The following ADAMTS3 variants were observed in gnomAD, a reference collection of about 807,000 sequenced individuals.
ADAMTS3 encodes the protein ADAM metallopeptidase with thrombospondin type 1 motif 3.
ADAMTS3 carries 73 observed loss-of-function variants against 129.0 expected under a neutral mutation model. That is an observed-to-expected ratio of 0.57 (90% CI 0.47 to 0.69). The LOEUF is 0.69. Among genes scored for constraint, ADAMTS3 ranks in the 30% least tolerant of loss-of-function variants. The pLI is 0.00. For missense variants in ADAMTS3, 1,457 were observed against 1,514.5 expected, an observed-to-expected ratio of 0.96 and a Z score of 0.63; for synonymous variants, 477 against 510.8, an observed-to-expected ratio of 0.93 and a Z score of 0.89.
At chr4:72,457,255 C>G (rs1035413290) in intron 3 of ADAMTS3, among the ~76,000 whole-genome samples, 3 of 151,568 alleles carry the variant, frequency 2.0e-5, no homozygotes, top group Non-Finnish European at 3.0e-5. Flanking sequence ...CAGGACATAA[C>G]AAAAATTAAA....
intron 5 of ADAMTS3, among the ~76,000 whole-genome samples, chr4:72,325,529 G>T (rs1214986028): frequency 3.3e-5 from 5 of 152,148 alleles, no homozygotes; most frequent in Non-Finnish European, 7.4e-5. Context: ...ACATGGCTTT[G>T]CACACCAAGT....
chr4:72,427,120 G>A (rs1019390302), intron 3 of ADAMTS3, among the ~76,000 whole-genome samples: 2 of 152,096 alleles, frequency 1.3e-5, no homozygotes, highest in Non-Finnish European at 2.9e-5. Flanking sequence ...CAAGGTGTTA[G>A]CAGGGACAAT....
At chr4:72,481,142 A>T (rs952910237) in intron 3 of ADAMTS3, among the ~76,000 whole-genome samples, 1 of 152,198 alleles carries the variant, frequency 6.6e-6, no homozygotes, top group Non-Finnish European at 1.5e-5. Flanking sequence ...ACTTGTGAAC[A>T]AGCTTGATGA....
At chr4:72,471,548 C>T (rs1719073706) in intron 3 of ADAMTS3, among the ~76,000 whole-genome samples, 2 of 151,904 alleles carry the variant, frequency 1.3e-5, no homozygotes, top group Admixed American at 1.3e-4. Context: ...TTTCCAACTG[C>T]ATATGTTTAT....
chr4:72,557,288 C>T (rs1312070391), intron 2 of ADAMTS3, among the ~76,000 whole-genome samples: 3 of 151,614 alleles, frequency 2.0e-5, no homozygotes, highest in Non-Finnish European at 4.4e-5. Flanking sequence ...GCAAGCAGGG[C>T]GAAGAATGGA....
At chr4:72,475,831 A>G (rs1274632700) in intron 3 of ADAMTS3, among the ~76,000 whole-genome samples, 1 of 152,100 alleles carries the variant, frequency 6.6e-6, no homozygotes, top group Non-Finnish European at 1.5e-5. Flanking sequence ...CAATCTAAAA[A>G]TAACAGGAAT....
chr4:72,283,167 C>T lies in ADAMTS3; in HGVS notation c.3587G>A (p.Arg1196His), dbSNP rs201592611. Residue 1196 changes from arginine (R) to histidine (H), a missense_variant, in exon 22 of 22, where the codon CGT becomes CAT. Transcript: ENST00000286657. ...KKDGKIIDNR[R>H]PTRSSTLER ...TTCTAAGGTGGATGATCTTGTCGGA[C>T]GTCTGTTGTCAATGATCTTTCCATC... 35 of 1,611,894 alleles carry T rather than the reference C, an allele frequency of 2.2e-5. No homozygotes were observed. Among genetic ancestry groups the T allele is most frequent in the Admixed American group, 8.4e-5 (5 of 59,802 alleles).
chr4:72,397,434 G>A (rs903896378), intron 4 of ADAMTS3, among the ~76,000 whole-genome samples: 6 of 151,762 alleles, frequency 4.0e-5, no homozygotes, highest in African/African-American at 1.2e-4. Flanking sequence ...GTGCCGTGGC[G>A]GGTGCTTGTA....
chr4:72,349,957 CA>C (rs1343856895), intron 4 of ADAMTS3, among the ~76,000 whole-genome samples: 5 of 151,982 alleles, frequency 3.3e-5, no homozygotes, highest in Non-Finnish European at 7.4e-5. Context: ...ATATCATACA[CA>C]GTTAACATAT....
In ADAMTS3 at chr4:72,469,534, TC is replaced by T. The variant is rs1215777870; in HGVS notation, c.505-54564del. On this transcript the variant is annotated intron_variant, in intron 3 of 21. Coordinates refer to ENST00000286657, the MANE Select transcript of ADAMTS3 (RefSeq NM_014243.3). ...GACGACTAATAAAATCAGTGTCCTT[TC>T]CCCTTATTGCTATCTAATCCCTCAC... is the stretch of plus-strand genomic sequence containing the variant. Among the ~76,000 whole-genome samples the T allele has an allele frequency of 3.3e-5, 5 of 152,208 alleles. No individual in the cohort carries two copies. The South Asian group carries it at 8.3e-4, about 25-fold the overall frequency.
chr4:72,429,501 C>T (rs1722646267), intron 3 of ADAMTS3, among the ~76,000 whole-genome samples: 1 of 151,928 alleles, frequency 6.6e-6, no homozygotes, highest in African/African-American at 2.4e-5. Context: ...TCCAAAATAA[C>T]CTAACTTTTT....
chr4:72,295,914 G>A (rs571044695), intron 18 of ADAMTS3, 128 bp from the exon 19 acceptor site: 28 of 1,156,426 alleles, frequency 2.4e-5, no homozygotes, highest in South Asian at 1.6e-4. Flanking sequence ...CATACAAACC[G>A]GCACTTCAAT....
intron 5 of ADAMTS3, among the ~76,000 whole-genome samples, chr4:72,337,204 A>G (rs974275504): frequency 6.6e-6 from 1 of 152,144 alleles, no homozygotes. Flanking sequence ...TTTCTCTCCC[A>G]TAGCTCCATT....
intron 4 of ADAMTS3, among the ~76,000 whole-genome samples, chr4:72,377,804 GA>G (rs35350394): frequency 6.6e-6 from 1 of 152,196 alleles, no homozygotes; most frequent in African/African-American, 2.4e-5. Context: ...TTTGTGCTCA[GA>G]AAAAGGGCAT....
At chr4:72,309,367 A>G (rs376555648) in intron 15 of ADAMTS3, 30 bp downstream of exon 15, 2 of 1,607,184 alleles carry the variant, frequency 1.2e-6, no homozygotes, top group Non-Finnish European at 1.7e-6. Flanking sequence ...ACAGAGAAGA[A>G]TACTAAATCC....
In ADAMTS3 at chr4:72,329,700, T is replaced by C. The variant is rs183652365; in HGVS notation, c.862-6603A>G. On this transcript the variant is annotated intron_variant, in intron 5 of 21. Coordinates refer to ENST00000286657, the MANE Select transcript of ADAMTS3 (RefSeq NM_014243.3). ...CCATGCTGCTGGTTTAATCGCTTCC[T>C]TCCTAGGAATTACTTTTCTTCTCTT... Among the ~76,000 whole-genome samples the C allele has an allele frequency of 1.7e-3, 257 of 152,230 alleles. 1 individual carries two copies. Among genetic ancestry groups the C allele is most frequent in the Non-Finnish European group, 2.7e-3 (183 of 67,990 alleles).
At chr4:72,519,981 G>A (rs894619112) in intron 3 of ADAMTS3, among the ~76,000 whole-genome samples, 12 of 151,638 alleles carry the variant, frequency 7.9e-5, no homozygotes, top group African/African-American at 2.9e-4. Context: ...ATCTACTTTT[G>A]GTCTTTGATG....
At chr4:72,520,027 C>T (rs1172448888) in intron 3 of ADAMTS3, among the ~76,000 whole-genome samples, 1 of 152,078 alleles carries the variant, frequency 6.6e-6, no homozygotes, top group Non-Finnish European at 1.5e-5. Context: ...GTGTGGATGT[C>T]CTTTCTGTTT....
chr4:72,508,070 T>G (rs985622255), intron 3 of ADAMTS3, among the ~76,000 whole-genome samples: 2 of 152,150 alleles, frequency 1.3e-5, no homozygotes, highest in Non-Finnish European at 2.9e-5. Context: ...ATATGCATAG[T>G]TACATGCACA....
Sources: gnomAD v4.1 joint callset for allele counts (sites outside exome capture counted in the v4.1 genomes callset) on GRCh38, gnomAD v4.1.1 for gene constraint, MANE v1.5 for transcripts, NCBI Gene and HGNC (gene_info 2026-07-23, HGNC 2026-07-21) for gene names.